Variants in PHIP observed in about 807,000 individuals in gnomAD.
The protein encoded by PHIP is PHIP subunit of CUL4-Ring ligase complex, also known as PH-interacting protein.
In PHIP, 54 loss-of-function variants were observed where a neutral mutation model predicts 236.8. The ratio of observed to expected loss-of-function variants is 0.23; its 90% CI spans 0.18 to 0.29. The LOEUF (loss-of-function observed/expected upper bound fraction) is 0.29. Among genes scored for constraint, PHIP ranks in the 10% least tolerant of loss-of-function variants. PHIP has a pLI of 1.00. For synonymous variants in PHIP, 756 were observed against 718.9 expected (o/e 1.05, Z -0.83); for missense variants, 1,370 against 2,190.8 (o/e 0.63, Z 7.48).
intron 24 of PHIP, 92 bp downstream of exon 24, chr6:78,978,500 G>A (rs1768275937): frequency 3.1e-6 from 3 of 965,280 alleles, no homozygotes; most frequent in African/African-American, 1.6e-5. Context: ...TTACAAAACT[G>A]CTTCTATTTT....
At chr6:79,077,660 C>T in intron 3 of PHIP, 40 bp downstream of exon 3, 1 of 963,404 alleles carries the variant, frequency 1.0e-6, no homozygotes, top group Non-Finnish European at 1.2e-6. Context: ...CAGAGGCGGC[C>T]GCGCGGCGGC....
At chr6:78,946,670 A>C in intron 37 of PHIP, 41 bp downstream of exon 37, 1 of 1,494,472 alleles carries the variant, frequency 6.7e-7, no homozygotes, top group East Asian at 2.5e-5. Flanking sequence ...TTTAGATGAA[A>C]GTTATAGATC....
intron 6 of PHIP, among the ~76,000 whole-genome samples, chr6:79,059,726 A>C (rs1773270588): frequency 6.6e-6 from 1 of 151,254 alleles, no homozygotes; most frequent in African/African-American, 2.4e-5. Context: ...AAAGAAGAGT[A>C]ACATTCCTGG....
At chr6:79,055,057 A>T (rs1773002515) in intron 6 of PHIP, among the ~76,000 whole-genome samples, 1 of 151,972 alleles carries the variant, frequency 6.6e-6, no homozygotes. Flanking sequence ...AAGAATCAGG[A>T]TTCTCAAAAC....
At chr6:78,985,310 G>C in intron 22 of PHIP, 42 bp downstream of exon 22, 1 of 1,075,098 alleles carries the variant, frequency 9.3e-7, no homozygotes, top group Non-Finnish European at 1.4e-6. Context: ...CCTTTCTAAA[G>C]ACTTTATATA....
intron 9 of PHIP, among the ~76,000 whole-genome samples, chr6:79,023,052 A>G (rs923649184): frequency 6.6e-6 from 1 of 152,232 alleles, no homozygotes; most frequent in Non-Finnish European, 1.5e-5. Context: ...TCCAAGGCTT[A>G]TATCTAAAGA....
At chr6:79,007,082 C>G (rs1266599007) in intron 15 of PHIP, among the ~76,000 whole-genome samples, 2 of 151,750 alleles carry the variant, frequency 1.3e-5, no homozygotes, top group Non-Finnish European at 2.9e-5. Context: ...TAAATACTAC[C>G]AATAAATGAG....
chr6:79,051,280 C>T (rs4706080), intron 6 of PHIP, among the ~76,000 whole-genome samples: 68,246 of 151,746 alleles, frequency 0.45, 15,991 homozygotes, highest in East Asian at 0.69. Context: ...AATAAATCAC[C>T]GTAATAGTAA....
At chr6:79,017,441 C>T (rs1381217375) in intron 11 of PHIP, 42 bp downstream of exon 11, 1 of 1,578,540 alleles carries the variant, frequency 6.3e-7, no homozygotes, top group African/African-American at 1.3e-5. Context: ...CTCTTGGACT[C>T]ACATAAATTA....
chr6:79,046,798 C>T (rs1381234770), intron 6 of PHIP, among the ~76,000 whole-genome samples: 2 of 151,838 alleles, frequency 1.3e-5, no homozygotes, highest in African/African-American at 2.4e-5. Context: ...ACAGCTTGAA[C>T]CCCGGAGACG....
At position 78,938,597 on chromosome 6, in the gene PHIP, TGAAA is replaced by T. The variant is rs765616670; in HGVS notation, c.*2092_*2095del. On this transcript the variant is annotated 3_prime_UTR_variant, in exon 40 of 40. Coordinates refer to ENST00000275034, the MANE Select transcript of PHIP (RefSeq NM_017934.7). ...CTATTATTTTCAAGAATGGTGTAAC[TGAAA>T]GACTCATTTTTCTATACAATCAAGC... 2.0e-5 allele frequency: 3 copies of T among 151,828 alleles called. No individual in the cohort carries two copies. Among genetic ancestry groups the T allele is most frequent in the Non-Finnish European group, 3.0e-5 (2 of 67,626 alleles). 9.4% of individuals were successfully genotyped at this position (151,828 alleles called of 1,614,324 possible). A position where few individuals can be genotyped will look rare whatever the true frequency, so the allele number is the denominator to read the frequency against.
intron 6 of PHIP, among the ~76,000 whole-genome samples, chr6:79,047,272 T>C (rs1366916964): frequency 6.6e-6 from 1 of 152,210 alleles, no homozygotes; most frequent in Non-Finnish European, 1.5e-5. Context: ...TATTCAGCCC[T>C]TGGGTTCTCA....
At chr6:79,056,991 C>A (rs1328380250) in intron 6 of PHIP, among the ~76,000 whole-genome samples, 1 of 152,120 alleles carries the variant, frequency 6.6e-6, no homozygotes, top group Non-Finnish European at 1.5e-5. Flanking sequence ...GTAGAATAAA[C>A]AGGTATTATT....
At chr6:78,954,739 C>T in intron 35 of PHIP, 75 bp downstream of exon 35, 3 of 881,650 alleles carry the variant, frequency 3.4e-6, no homozygotes, top group Non-Finnish European at 5.1e-6. Context: ...TAAAAAGTAA[C>T]TAAAATAGCC....
At chr6:79,001,825 T>C (rs925910420) in intron 17 of PHIP, 74 bp downstream of exon 17, 22 of 931,282 alleles carry the variant, frequency 2.4e-5, no homozygotes, top group Non-Finnish European at 3.7e-5. Flanking sequence ...GCAAACAAAG[T>C]TTTACTCAAT....
At chr6:79,074,283 C>G (rs1421742219) in intron 4 of PHIP, among the ~76,000 whole-genome samples, 1 of 151,646 alleles carries the variant, frequency 6.6e-6, no homozygotes, top group Non-Finnish European at 1.5e-5. Flanking sequence ...AGAAGTCTTA[C>G]AAGAAAAAAT....
At chr6:79,049,871 A>C (rs1772697855) in intron 6 of PHIP, among the ~76,000 whole-genome samples, 1 of 152,198 alleles carries the variant, frequency 6.6e-6, no homozygotes, top group Non-Finnish European at 1.5e-5. Context: ...TATCAGATAA[A>C]TGTATTGTGT....
At chr6:78,948,411 G>A (rs574277507) in intron 35 of PHIP, among the ~76,000 whole-genome samples, 1 of 152,078 alleles carries the variant, frequency 6.6e-6, no homozygotes, top group Admixed American at 6.6e-5. Context: ...GAAACAGGAA[G>A]AGCAACAGAA....
chr6:79,045,221 C>T lies in PHIP; in HGVS notation c.440-2218G>A, dbSNP rs116489260. 1.3e-3 allele frequency among the ~76,000 whole-genome samples: 194 copies of T among 152,136 alleles called. 1 individual carries two copies. Among genetic ancestry groups the T allele is most frequent in the African/African-American group, 4.5e-3 (188 of 41,520 alleles). On this transcript the variant is annotated intron_variant, in intron 6 of 39. Coordinates refer to ENST00000275034, the MANE Select transcript of PHIP (RefSeq NM_017934.7). Reference sequence around the variant, plus strand: ...AAATAAGACATACAGAAAGAACATACGTAGATTCCCAGGTAATAAGGTGGT... The same window carrying T: ...AAATAAGACATACAGAAAGAACATATGTAGATTCCCAGGTAATAAGGTGGT...
Sources: gnomAD v4.1 joint callset for allele counts (sites outside exome capture counted in the v4.1 genomes callset) on GRCh38, gnomAD v4.1.1 for gene constraint, MANE v1.5 for transcripts, NCBI Gene and HGNC (gene_info 2026-07-23, HGNC 2026-07-21) for gene names.